Variants in PLCH1 observed in about 807,000 individuals in gnomAD.
The protein encoded by PLCH1 is phospholipase C eta 1, also known as 1-phosphatidylinositol 4,5-bisphosphate phosphodiesterase eta-1.
A neutral mutation model predicts 126.7 loss-of-function variants in PLCH1; 60 were observed. The ratio of observed to expected loss-of-function variants is 0.47; its 90% CI spans 0.38 to 0.59. PLCH1 has a LOEUF of 0.59. Ranked by LOEUF, PLCH1 falls within the 20% of genes least tolerant of loss-of-function variation. The probability of loss-of-function intolerance (pLI) is 0.00; values close to 1 mark genes in which losing one functional copy is unlikely to be tolerated. For synonymous variants in PLCH1, 719 were observed against 734.9 expected, an observed-to-expected ratio of 0.98 and a Z score of 0.35; for missense variants, 1,723 against 2,040.0, an observed-to-expected ratio of 0.84 and a Z score of 2.99.
chr3:155,551,035 A>G (rs548320424), intron 9 of PLCH1, among the ~76,000 whole-genome samples: 2 of 152,312 alleles, frequency 1.3e-5, no homozygotes, highest in Admixed American at 1.3e-4. Flanking sequence ...GTTTTACCCT[A>G]AAGTGCTAGA....
chr3:155,598,411 A>G (rs1030496464), intron 2 of PLCH1, among the ~76,000 whole-genome samples: 2 of 152,202 alleles, frequency 1.3e-5, no homozygotes, highest in African/African-American at 4.8e-5. Flanking sequence ...AAACCAACCA[A>G]GCCAAAATTC....
In PLCH1 at chr3:155,504,509, C is replaced by A. The variant is rs368899354; in HGVS notation, c.1704+46G>T. On this transcript the variant is annotated intron_variant, in intron 13 of 22. Coordinates refer to ENST00000460012, the MANE Select transcript of PLCH1 (RefSeq NM_014996.4). ...ATATTCTCCTGTTATCTTCCAGAAT[C>A]TTTAAATTAACTGAAGTATGCATAG... is the stretch of plus-strand genomic sequence containing the variant. The A allele has an allele frequency of 5.6e-5, 59 of 1,048,634 alleles. No individual in the cohort carries two copies. In the African/African-American group the frequency reaches 8.8e-4, roughly 16 times the overall value. The allele number at this position is 1,048,634 out of a possible 1,614,324, so 65.0% of individuals were successfully genotyped here.
chr3:155,699,505 C>G (rs563580688), intron 2 of PLCH1, among the ~76,000 whole-genome samples: 2 of 152,136 alleles, frequency 1.3e-5, no homozygotes, highest in African/African-American at 4.8e-5. Context: ...AAAAGCTAGG[C>G]TTTGATTCAG....
intron 1 of PLCH1, among the ~76,000 whole-genome samples, chr3:155,707,597 G>C (rs941186907): frequency 6.6e-6 from 1 of 151,526 alleles, no homozygotes; most frequent in East Asian, 1.9e-4. Flanking sequence ...GCTGAGGCAG[G>C]AGAATCACAT....
At chr3:155,666,298 C>CT (rs1453038940) in intron 2 of PLCH1, among the ~76,000 whole-genome samples, 1 of 151,942 alleles carries the variant, frequency 6.6e-6, no homozygotes, top group Middle Eastern at 3.2e-3. Context: ...TGAATGTCAT[C>CT]TTTTTTTTCC....
chr3:155,473,274 A>G lies in PLCH1; in HGVS notation c.2938+12082T>C, dbSNP rs1223643319. Among the ~76,000 whole-genome samples, 924 of 151,822 alleles carry G rather than the reference A, an allele frequency of 6.1e-3. 10 individuals are homozygous for G. Among genetic ancestry groups the G allele is most frequent in the African/African-American group, 0.021 (858 of 41,492 alleles). ...ATGTACAAAAATCACAAGCATTCTT[A>G]TACACCAATAACAGACAGAGAGCCA... is the stretch of plus-strand genomic sequence containing the variant. On this transcript the variant is annotated intron_variant, in intron 21 of 21. Coordinates refer to the PLCH1 transcript ENST00000494598.
chr3:155,511,698 A>G lies in PLCH1; in HGVS notation c.1632+3025T>C, dbSNP rs912597381. On this transcript the variant is annotated intron_variant, in intron 12 of 22. Coordinates refer to ENST00000460012, the MANE Select transcript of PLCH1 (RefSeq NM_014996.4). ...GGGTCAGGGACCCACTTGAGGAGGC[A>G]GTCTGCCCGTTCTCAGATCTCCAGC... 1.7e-3 allele frequency among the ~76,000 whole-genome samples: 235 copies of G among 142,252 alleles called. 1 individual carries two copies. Among genetic ancestry groups the G allele is most frequent in the Non-Finnish European group, 2.3e-3 (150 of 65,486 alleles). 93.3% of individuals were successfully genotyped at this position (142,252 alleles called of 152,430 possible).
chr3:155,484,707 T>C (rs1189473149), intron 22 of PLCH1, among the ~76,000 whole-genome samples: 1 of 152,194 alleles, frequency 6.6e-6, no homozygotes, highest in Non-Finnish European at 1.5e-5. Flanking sequence ...TCACTCTTTA[T>C]TGAGCTCCTG....
chr3:155,589,563 T>C (rs910834557), intron 4 of PLCH1, among the ~76,000 whole-genome samples: 11 of 152,144 alleles, frequency 7.2e-5, no homozygotes, highest in African/African-American at 2.2e-4. Flanking sequence ...TCTGGATTTA[T>C]AACATACATA....
intron 2 of PLCH1, among the ~76,000 whole-genome samples, chr3:155,608,461 A>G (rs1228030161): frequency 6.6e-6 from 1 of 151,922 alleles, no homozygotes; most frequent in Admixed American, 6.6e-5. Context: ...AGCCTGGTGC[A>G]TAGACTGCCT....
intron 13 of PLCH1, among the ~76,000 whole-genome samples, chr3:155,501,515 G>A (rs376212481): frequency 8.5e-5 from 13 of 152,064 alleles, no homozygotes; most frequent in African/African-American, 2.7e-4. Context: ...ATGATGGGCC[G>A]GGCGTGGTGG....
chr3:155,690,686 C>T (rs1745314047), intron 2 of PLCH1, among the ~76,000 whole-genome samples: 1 of 152,170 alleles, frequency 6.6e-6, no homozygotes, highest in Non-Finnish European at 1.5e-5. Context: ...AAGTTTCCAA[C>T]CTCTCAATGC....
intron 1 of PLCH1, chr3:155,742,310 A>G (rs1749697408): frequency 6.6e-6 from 1 of 152,236 alleles, no homozygotes; most frequent in South Asian, 2.1e-4. Flanking sequence ...ATCATATTCT[A>G]TGTTTATAAT....
chr3:155,481,744 C>G lies in PLCH1; in HGVS notation c.4282G>C (p.Ala1428Pro). 2 of 1,614,140 alleles carry G rather than the reference C, an allele frequency of 1.2e-6. No homozygotes were observed. The highest frequency in any genetic ancestry group is 1.7e-6 in the Non-Finnish European group (2 of 1,180,014). The change falls in exon 23 of 23, where the codon GCC (alanine) becomes CCC (proline). Residue 1428 changes from alanine (A) to proline (P), a missense_variant. This residue lies in a region of PLCH1 where 947 missense variants were observed against 977.1 expected (regional missense o/e 0.97). Coordinates refer to ENST00000460012, the MANE Select transcript of PLCH1 (RefSeq NM_014996.4). This position sits in a 1 kb window ranked among gnomAD's most constrained non-coding sequence, Gnocchi z 4.2. The stretch of plus-strand genomic sequence containing the variant: ...TGCACAAAGCCAGCACCCTGATAGG[C>G]TAGATAAGAAATACTTTGAGTTTTG... ...DVKTQSISYLAYQGAGFVHNH... is the reference protein window; with the variant it reads ...DVKTQSISYLPYQGAGFVHNH...
intron 8 of PLCH1, among the ~76,000 whole-genome samples, chr3:155,561,379 C>T (rs577707811): frequency 8.0e-5 from 12 of 149,992 alleles, no homozygotes; most frequent in East Asian, 2.0e-4. Context: ...TGAGAATATG[C>T]GGAGTTTGGT....
chr3:155,458,437 G>A (rs58054842), intron 21 of PLCH1, among the ~76,000 whole-genome samples: 63 of 73,634 alleles, frequency 8.6e-4, no homozygotes, highest in African/African-American at 1.1e-3. Context: ...AAGGAAGGAA[G>A]GAAGGAAGGA....
chr3:155,657,849 G>A (rs1387804536), intron 2 of PLCH1: 6 of 152,214 alleles, frequency 3.9e-5, no homozygotes, highest in Non-Finnish European at 8.8e-5. Flanking sequence ...AAAAGGGTAA[G>A]TCAAGGTGAA....
intron 6 of PLCH1, among the ~76,000 whole-genome samples, chr3:155,575,272 A>G (rs1729769015): frequency 6.6e-6 from 1 of 152,208 alleles, no homozygotes; most frequent in South Asian, 2.1e-4. Context: ...AAAAGAGACT[A>G]TAATTATTTC....
intron 10 of PLCH1, among the ~76,000 whole-genome samples, chr3:155,549,158 T>C (rs1360284928): frequency 6.6e-6 from 1 of 152,178 alleles, no homozygotes; most frequent in Non-Finnish European, 1.5e-5. Context: ...GAAAGAACTG[T>C]CTTTCTGGCT....
Sources: gnomAD v4.1 joint callset for allele counts (sites outside exome capture counted in the v4.1 genomes callset) on GRCh38, gnomAD v4.1.1 for gene constraint, gnomAD v4.1.1 regional missense constraint, Gnocchi (gnomAD v3.1) non-coding constraint, MANE v1.5 for transcripts, NCBI Gene and HGNC (gene_info 2026-07-23, HGNC 2026-07-21) for gene names.